KICS2: variants seen among roughly 807,000 people sequenced by gnomAD.
KICS2 encodes the protein KICSTOR complex protein C12orf66.
In KICS2, 13 loss-of-function variants were observed where a neutral mutation model predicts 31.4. That is an observed-to-expected ratio of 0.41 (90% CI 0.27 to 0.66). The LOEUF (loss-of-function observed/expected upper bound fraction) is 0.66. KICS2 is among the 30% of genes least tolerant of loss of function. The pLI is 0.28. For missense variants in KICS2, 455 were observed against 545.4 expected, an observed-to-expected ratio of 0.83 and a Z score of 1.65; for synonymous variants, 209 against 214.8, an observed-to-expected ratio of 0.97 and a Z score of 0.24.
chr12:64,189,397 A>C (rs1397451849), downstream of KICS2, among the ~76,000 whole-genome samples: 1 of 152,204 alleles, frequency 6.6e-6, no homozygotes, highest in Non-Finnish European at 1.5e-5. Context: ...AAAATATACA[A>C]CACCACTACA....
At chr12:64,212,640 A>G (rs1029419605) in intron 2 of KICS2, among the ~76,000 whole-genome samples, 1 of 152,216 alleles carries the variant, frequency 6.6e-6, no homozygotes, top group South Asian at 2.1e-4. Flanking sequence ...TGCTATGAAC[A>G]TTCATGTCAA....
chr12:64,192,479 G>T lies in KICS2; in HGVS notation c.*1363C>A. ...CCCTAGGTGGGCAGGCTTCCTACAT[G>T]GACTCTGAGGGGCTCTCTGGTCTCT... On this transcript the variant is annotated 3_prime_UTR_variant, in exon 3 of 3. Transcript: ENST00000398055. The T allele has an allele frequency of 2.1e-6, 1 of 480,244 alleles. No homozygotes were observed. Among genetic ancestry groups the T allele is most frequent in the Non-Finnish European group, 2.7e-6 (1 of 368,538 alleles). 29.7% of individuals were successfully genotyped at this position (480,244 alleles called of 1,614,324 possible). A position where few individuals can be genotyped will look rare whatever the true frequency, so the allele number is the denominator to read the frequency against.
At chr12:64,221,939 C>G in intron 1 of KICS2, 64 bp downstream of exon 1, 1 of 1,504,372 alleles carries the variant, frequency 6.6e-7, no homozygotes, top group Non-Finnish European at 9.0e-7. Flanking sequence ...CAAGCCACTG[C>G]CGACTGGGGA....
intron 2 of KICS2, among the ~76,000 whole-genome samples, chr12:64,202,365 G>A (rs994841084): frequency 3.3e-5 from 5 of 151,884 alleles, no homozygotes; most frequent in East Asian, 1.9e-4. Context: ...GGCTGTGATC[G>A]CACTACTGTG....
chr12:64,216,446 T>G (rs748280656), intron 1 of KICS2, among the ~76,000 whole-genome samples: 1 of 152,210 alleles, frequency 6.6e-6, no homozygotes, highest in Non-Finnish European at 1.5e-5. Flanking sequence ...GTGTCATGAT[T>G]TTTTGTTTCT....
At chr12:64,220,740 GTT>G (rs2037673619) in intron 1 of KICS2, among the ~76,000 whole-genome samples, 1 of 151,930 alleles carries the variant, frequency 6.6e-6, no homozygotes, top group Non-Finnish European at 1.5e-5. Flanking sequence ...TTTTTAATAA[GTT>G]ATATGAATGC....
rs73325019 is a variant in KICS2, at chr12:64,209,657, T to C, written c.521+6021A>G. Among the ~76,000 whole-genome samples the C allele has an allele frequency of 1.7e-3, 258 of 152,332 alleles. 2 individuals are homozygous for C. The highest frequency in any genetic ancestry group is 6.8e-3 in the Middle Eastern group (2 of 294). On this transcript the variant is annotated intron_variant, in intron 2 of 2. Coordinates refer to ENST00000398055, the MANE Select transcript of KICS2 (RefSeq NM_152440.5). ...AACACCATTCTACTGTGAACACAACTGGCTTCCAGAAGAAGAAAACCAAAA... is the reference window on the plus strand; with the variant it reads ...AACACCATTCTACTGTGAACACAACCGGCTTCCAGAAGAAGAAAACCAAAA...
chr12:64,213,556 T>A (rs2037602705), intron 2 of KICS2, among the ~76,000 whole-genome samples: 1 of 152,196 alleles, frequency 6.6e-6, no homozygotes, highest in African/African-American at 2.4e-5. Context: ...TAGGTATATA[T>A]AAATATTTCC....
At chr12:64,217,842 G>T (rs1158546006) in intron 1 of KICS2, among the ~76,000 whole-genome samples, 1 of 127,786 alleles carries the variant, frequency 7.8e-6, no homozygotes, top group Admixed American at 8.7e-5. Flanking sequence ...AAAGAAGGAA[G>T]GAAGGAAGAA....
chr12:64,194,248 G>A lies in KICS2; in HGVS notation c.932C>T (p.Ala311Val). The A allele has an allele frequency of 6.2e-7, 1 of 1,614,176 alleles. No homozygotes were observed. Among genetic ancestry groups the A allele is most frequent in the Non-Finnish European group, 8.5e-7 (1 of 1,180,038 alleles). The change falls in exon 3 of 3, where the codon GCC (alanine) becomes GTC (valine). Residue 311 changes from alanine to valine, a missense_variant. Ala to Val is a moderately conservative substitution (Grantham distance 64). Transcript: ENST00000398055. ...ISSFIRKYDA[A>V]NVSLIFDNRG... is the part of the protein sequence containing the mutation. ...GTTGTCAAAAATTAAGGACACATTG[G>A]CAGCATCATATTTTCTGATGAAGCT...
chr12:64,202,673 A>G (rs2037500833), intron 2 of KICS2, among the ~76,000 whole-genome samples: 1 of 148,770 alleles, frequency 6.7e-6, no homozygotes, highest in Non-Finnish European at 1.5e-5. Flanking sequence ...TTTCTAATAT[A>G]TATTAAATAT....
intron 2 of KICS2, among the ~76,000 whole-genome samples, chr12:64,207,234 G>T (rs2037546777): frequency 6.7e-6 from 1 of 149,468 alleles, no homozygotes; most frequent in African/African-American, 2.5e-5. Context: ...AGCCCAGGAG[G>T]TGGAGGTTGC....
chr12:64,212,274 C>T (rs1486225327), intron 2 of KICS2, among the ~76,000 whole-genome samples: 1 of 152,118 alleles, frequency 6.6e-6, no homozygotes, highest in Non-Finnish European at 1.5e-5. Flanking sequence ...TCACGGTCCC[C>T]AAAAAAGCAA....
Position 64,222,205 on chromosome 12 carries a change from G to A in KICS2, c.33C>T (p.Val11=), listed in dbSNP as rs2037690800. 1 of 1,614,030 alleles carries A rather than the reference G, an allele frequency of 6.2e-7. No homozygotes were observed. Among genetic ancestry groups the A allele is most frequent in the Non-Finnish European group, 8.5e-7 (1 of 1,179,960 alleles). The part of the protein sequence containing the change: MGESIPLAAP[V]PVEQAVLETF... ...TCTCCAGCACCGCCTGTTCCACCGG[G>A]ACCGGGGCGGCCAGCGGGATAGACT... Residue 11 remains valine, a synonymous_variant, in exon 1 of 3, where the codon GTC becomes GTT. Transcript: ENST00000398055.
intron 2 of KICS2, among the ~76,000 whole-genome samples, chr12:64,195,069 G>A (rs897425533): frequency 2.2e-4 from 34 of 152,034 alleles, no homozygotes; most frequent in Middle Eastern, 3.4e-3. Flanking sequence ...AGCATCCCAA[G>A]CAGCTGAGAA....
chr12:64,211,249 T>C (rs1428973648), intron 2 of KICS2, among the ~76,000 whole-genome samples: 1 of 152,142 alleles, frequency 6.6e-6, no homozygotes, highest in East Asian at 1.9e-4. Context: ...TCCAAAAATA[T>C]AAAATTTTTA....
Position 64,193,973 on chromosome 12 carries a change from T to C in KICS2, c.1207A>G (p.Thr403Ala), listed in dbSNP as rs2037406589. 1.2e-6 allele frequency: 2 copies of C among 1,614,174 alleles called. No homozygotes were observed. Among genetic ancestry groups the C allele is most frequent in the Non-Finnish European group, 1.7e-6 (2 of 1,180,036 alleles). Residue 403 changes from threonine (T) to alanine (A), a missense_variant, in exon 3 of 3, where the codon ACC becomes GCC. Thr to Ala is a moderately conservative substitution (Grantham distance 58, BLOSUM62 0). Transcript: ENST00000398055. ...YFLTRPEPHF[T>A]IVIIFESKKS... The stretch of plus-strand genomic sequence containing the variant: ...TTTGACTCAAAAATGATGACAATGG[T>C]AAAGTGAGGTTCCGGGCGGGTTAGG...
chr12:64,205,554 C>T (rs1023025189), intron 2 of KICS2, among the ~76,000 whole-genome samples: 1 of 138,130 alleles, frequency 7.2e-6, no homozygotes, highest in African/African-American at 2.7e-5. Context: ...AGTCTTAATA[C>T]AGAATAAATT....
chr12:64,213,161 T>A (rs1565719538), intron 2 of KICS2, among the ~76,000 whole-genome samples: 2 of 151,968 alleles, frequency 1.3e-5, no homozygotes, highest in Admixed American at 1.3e-4. Flanking sequence ...AACCATCTTA[T>A]GCTCAGAAAG....
Sources: allele counts gnomAD v4.1 joint callset (sites outside exome capture counted in the v4.1 genomes callset), GRCh38; gene constraint gnomAD v4.1.1; transcripts MANE v1.5; gene names NCBI Gene and HGNC (gene_info 2026-07-23, HGNC 2026-07-21).